MGLL: variants seen among roughly 807,000 people sequenced by gnomAD.
MGLL encodes lysophospholipase homolog.
MGLL carries 7 observed loss-of-function variants against 29.1 expected under a neutral mutation model. The ratio of observed to expected loss-of-function variants is 0.24; its 90% confidence interval spans 0.14 to 0.45. MGLL has a LOEUF of 0.45. MGLL is among the 20% of genes least tolerant of loss of function. MGLL has a pLI of 0.99. For missense variants in MGLL, 356 were observed against 413.6 expected (o/e 0.86, Z 1.21); for synonymous variants, 148 against 168.3 (o/e 0.88, Z 0.93).
At chr3:127,731,212 G>C (rs2076143773) in intron 3 of MGLL, among the ~76,000 whole-genome samples, 1 of 151,946 alleles carries the variant, frequency 6.6e-6, no homozygotes, top group Non-Finnish European at 1.5e-5. Context: ...TAGAGACAAG[G>C]TCTTGTTATG....
chr3:127,715,284 C>T (rs889044963), intron 5 of MGLL, among the ~76,000 whole-genome samples: 20 of 152,202 alleles, frequency 1.3e-4, no homozygotes, highest in African/African-American at 4.8e-4. Flanking sequence ...GCAGGGCAAG[C>T]TGCCCTTTCA....
At chr3:127,711,720 T>C (rs2075717434) in intron 5 of MGLL, 1 of 146,568 alleles carries the variant, frequency 6.8e-6, no homozygotes, top group East Asian at 2.0e-4. Context: ...TGGGCACAGT[T>C]TCCCTATCTT....
In MGLL at chr3:127,814,630, C is replaced by T. The variant is rs1227562844; in HGVS notation, c.155+7064G>A. On this transcript the variant is annotated intron_variant, in intron 2 of 7. Coordinates refer to ENST00000265052, the MANE Select transcript of MGLL (RefSeq NM_007283.7). ...ATTCTGCTATTTTTTTTCTTCGACT[C>T]TACTGCAAAACAAAGCCAGATTTGT... Among the ~76,000 whole-genome samples the T allele has an allele frequency of 3.3e-5, 5 of 152,278 alleles. No homozygotes were observed. The East Asian group carries it at 7.7e-4, about 23-fold the overall frequency.
At chr3:127,818,814 T>C (rs1258107512) in intron 2 of MGLL, among the ~76,000 whole-genome samples, 2 of 152,178 alleles carry the variant, frequency 1.3e-5, no homozygotes, top group East Asian at 1.9e-4. Flanking sequence ...ATAATAATAC[T>C]TGTCTCACAG....
At chr3:127,794,292 T>C (rs1251432490) in intron 2 of MGLL, among the ~76,000 whole-genome samples, 1 of 150,858 alleles carries the variant, frequency 6.6e-6, no homozygotes, top group Non-Finnish European at 1.5e-5. Flanking sequence ...TAAAAATACA[T>C]AAATTAGCTG....
intron 3 of MGLL, among the ~76,000 whole-genome samples, chr3:127,727,395 C>A (rs1252393066): frequency 6.6e-6 from 1 of 151,944 alleles, no homozygotes; most frequent in Non-Finnish European, 1.5e-5. Flanking sequence ...AAAAATGAGT[C>A]CATATAGATA....
At chr3:127,701,858 T>C (rs1179723422) in intron 6 of MGLL, among the ~76,000 whole-genome samples, 1 of 152,168 alleles carries the variant, frequency 6.6e-6, no homozygotes, top group African/African-American at 2.4e-5. Flanking sequence ...GCAACCCTGT[T>C]CCTTCTCTTC....
intron 2 of MGLL, among the ~76,000 whole-genome samples, chr3:127,793,396 A>G (rs188619956): frequency 6.6e-6 from 1 of 152,356 alleles, no homozygotes; most frequent in Admixed American, 6.5e-5. Context: ...TTTAAGAATG[A>G]TAACAGTAAC....
intron 2 of MGLL, among the ~76,000 whole-genome samples, chr3:127,792,706 G>GAA (rs61357582): frequency 2.1e-5 from 3 of 141,058 alleles, no homozygotes; most frequent in African/African-American, 7.7e-5. Flanking sequence ...TGTCTCAAAA[G>GAA]AAAAAAAAAA....
chr3:127,720,538 A>G (rs526862), intron 5 of MGLL, among the ~76,000 whole-genome samples: 62,527 of 152,082 alleles, frequency 0.41, 13,520 homozygotes, highest in East Asian at 0.53. Context: ...CCTACAGGGT[A>G]TATCATTCCT....
At chr3:127,694,292 T>A (rs867897986) in intron 7 of MGLL, among the ~76,000 whole-genome samples, 16,681 of 124,846 alleles carry the variant, frequency 0.13, 1,681 homozygotes, top group Middle Eastern at 0.25. Context: ...AAAAAATATA[T>A]ATATATATAT....
intron 2 of MGLL, among the ~76,000 whole-genome samples, chr3:127,808,668 G>A (rs1422400559): frequency 6.6e-6 from 1 of 152,190 alleles, no homozygotes; most frequent in Non-Finnish European, 1.5e-5. Context: ...TGGATACTGG[G>A]GAGGCAACCA....
intron 3 of MGLL, among the ~76,000 whole-genome samples, chr3:127,726,179 A>AG (rs1559926294): frequency 1.0e-4 from 4 of 39,064 alleles, no homozygotes; most frequent in Admixed American, 4.7e-4. Context: ...AAAGAAAGAA[A>AG]GAAAGAAAAG....
chr3:127,790,944 G>C (rs74422782), intron 2 of MGLL, among the ~76,000 whole-genome samples: 1 of 152,068 alleles, frequency 6.6e-6, no homozygotes. Flanking sequence ...GCAACCCCAG[G>C]GGGTAGCCGG....
chr3:127,807,166 A>G (rs999722977), intron 2 of MGLL, among the ~76,000 whole-genome samples: 3 of 152,142 alleles, frequency 2.0e-5, no homozygotes, highest in African/African-American at 7.2e-5. Flanking sequence ...TGTTTTGCTT[A>G]CCAATTCAAT....
At chr3:127,822,081 T>C in intron 1 of MGLL, 3 of 652,398 alleles carry the variant, frequency 4.6e-6, no homozygotes, top group Non-Finnish European at 5.2e-6. Context: ...TTTTTCCCCC[T>C]TCCCATCTGT....
At chr3:127,745,463 G>A (rs143831683) in intron 3 of MGLL, among the ~76,000 whole-genome samples, 2 of 152,116 alleles carry the variant, frequency 1.3e-5, no homozygotes, top group Admixed American at 6.6e-5. Flanking sequence ...GTCAAACGCC[G>A]AATGTCCTCA....
intron 3 of MGLL, among the ~76,000 whole-genome samples, chr3:127,773,190 AG>A (rs2076977532): frequency 6.6e-6 from 1 of 152,148 alleles, no homozygotes; most frequent in Non-Finnish European, 1.5e-5. Flanking sequence ...ATTATTTTTG[AG>A]GGGCCCAAGA....
chr3:127,695,204 G>T lies in MGLL; in HGVS notation c.601-14C>A. 1 of 1,611,494 alleles carries T rather than the reference G, an allele frequency of 6.2e-7. No homozygotes were observed. Among genetic ancestry groups the T allele is most frequent in the Non-Finnish European group, 8.5e-7 (1 of 1,177,868 alleles). The stretch of plus-strand genomic sequence containing the variant: ...ATAAATGTCGACCTGGAGGAAGAAG[G>T]AGAGGGTTCCATCAGCATGGGCAGG... On this transcript the variant is annotated splice_polypyrimidine_tract_variant and intron_variant, in intron 6 of 7. Coordinates refer to ENST00000265052, the MANE Select transcript of MGLL (RefSeq NM_007283.7).
Sources: allele counts gnomAD v4.1 joint callset (sites outside exome capture counted in the v4.1 genomes callset), GRCh38; gene constraint gnomAD v4.1.1; transcripts MANE v1.5; gene names NCBI Gene and HGNC (gene_info 2026-07-23, HGNC 2026-07-21).